CEACAM19: variants seen among roughly 807,000 people sequenced by gnomAD.
CEACAM19 encodes the protein CEA cell adhesion molecule 19.
In CEACAM19, 37 loss-of-function variants were observed where a neutral mutation model predicts 37.6. The observed-to-expected ratio is 0.98, with a 90% confidence interval of 0.76 to 1.29. The LOEUF is 1.29. CEACAM19 is among the 50% of genes most tolerant of loss of function. The pLI, the probability that CEACAM19 is intolerant of heterozygous loss-of-function variation, is 0.00. For synonymous variants in CEACAM19, 140 were observed against 149.8 expected, an observed-to-expected ratio of 0.93 and a Z score of 0.48; for missense variants, 340 against 375.6, an observed-to-expected ratio of 0.91 and a Z score of 0.78.
chr19:44,680,377 A>C, intron 5 of CEACAM19, 43 bp downstream of exon 5: 1 of 1,551,422 alleles, frequency 6.4e-7, no homozygotes. Flanking sequence ...CCCTCCTCTC[A>C]GCTCCTCCTT....
intron 2 of CEACAM19, among the ~76,000 whole-genome samples, chr19:44,675,519 G>T (rs1190057917): frequency 6.6e-6 from 1 of 152,058 alleles, no homozygotes. Context: ...GGGCTCGGTG[G>T]CCACGTCTGT....
At position 44,681,229 on chromosome 19, in the gene CEACAM19, G is replaced by A; in HGVS notation, c.709G>A (p.Asp237Asn). 1 of 1,613,676 alleles carries A rather than the reference G, an allele frequency of 6.2e-7. No homozygotes were observed. Among genetic ancestry groups the A allele is most frequent in the Non-Finnish European group, 8.5e-7 (1 of 1,179,738 alleles). Residue 237 changes from aspartate to asparagine, a missense_variant and splice_region_variant, in exon 6 of 8, where the codon GAC (aspartate) becomes AAC (asparagine). By Grantham distance (23) the Asp-to-Asn change is conservative. Coordinates refer to ENST00000358777, the MANE Select transcript of CEACAM19 (RefSeq NM_001127893.3). ...ACCTCCCCTGGCCTCTGTTTCAGGTGACAACAACATCTATGAAGTGATGCC... is the reference window on the plus strand; with the variant it reads ...ACCTCCCCTGGCCTCTGTTTCAGGTAACAACAACATCTATGAAGTGATGCC... ...PELGPAHDAGDNNIYEVMPSP... is the reference protein window; with the variant it reads ...PELGPAHDAGNNNIYEVMPSP...
At chr19:44,679,430 C>A (rs1389873873) in intron 4 of CEACAM19, among the ~76,000 whole-genome samples, 1 of 152,082 alleles carries the variant, frequency 6.6e-6, no homozygotes, top group Non-Finnish European at 1.5e-5. Context: ...CATGGTGAAA[C>A]CCTGTCTCTA....
intron 1 of CEACAM19, 58 bp downstream of exon 1, chr19:44,672,044 T>A (rs1550551): frequency 2.1e-6 from 3 of 1,412,594 alleles, no homozygotes; most frequent in Non-Finnish European, 3.0e-6. Flanking sequence ...AGCCCAGAGA[T>A]TGAAGTTTCC....
intron 1 of CEACAM19, 118 bp downstream of exon 1, chr19:44,672,104 G>C (rs1973865646): frequency 6.1e-6 from 5 of 825,514 alleles, no homozygotes; most frequent in Admixed American, 4.5e-5. Flanking sequence ...AGAATAAGAT[G>C]GGGGAGGGGC....
Position 44,671,809 on chromosome 19 carries a change from G to A in CEACAM19, c.-123G>A, listed in dbSNP as rs554804099. 4.2e-5 allele frequency: 31 copies of A among 737,462 alleles called. No homozygotes were observed. The highest frequency in any genetic ancestry group is 4.0e-4 in the East Asian group (15 of 37,058). 45.7% of individuals were successfully genotyped at this position (737,462 alleles called of 1,614,324 possible). On this transcript the variant is annotated 5_prime_UTR_variant, in exon 1 of 8. Transcript: ENST00000358777. ...ATGCTGGGGCTGGGCCAGCCCCAGC[G>A]GTGTCTCTAAGGCACCCCTGGGATC...
intron 2 of CEACAM19, among the ~76,000 whole-genome samples, chr19:44,674,356 A>G (rs950537844): frequency 6.6e-5 from 10 of 151,300 alleles, no homozygotes; most frequent in Admixed American, 6.6e-4. Flanking sequence ...GATTGTGGAG[A>G]CAGGGTCTTA....
chr19:44,675,151 TAAC>T (rs1233844074), intron 2 of CEACAM19, among the ~76,000 whole-genome samples: 2 of 148,254 alleles, frequency 1.3e-5, no homozygotes, highest in African/African-American at 5.0e-5. Context: ...TCAAACTTCA[TAAC>T]AACCCTAAGA....
chr19:44,676,990 T>C (rs1973961037), intron 3 of CEACAM19, among the ~76,000 whole-genome samples: 1 of 152,198 alleles, frequency 6.6e-6, no homozygotes, highest in Non-Finnish European at 1.5e-5. Context: ...TGTTCTCAAA[T>C]GACTCCTTTA....
In CEACAM19 at chr19:44,683,538, C is replaced by G; in HGVS notation, c.*48C>G. ...AGGGAGAAGACAAGGCCCCAGCCCT[C>G]CTCTGGGAGCCTCACACCTGAGACC... On this transcript the variant is annotated 3_prime_UTR_variant, in exon 8 of 8. Transcript: ENST00000358777. The G allele has an allele frequency of 8.2e-7, 1 of 1,222,770 alleles. No homozygotes were observed. The highest frequency in any genetic ancestry group is 1.1e-6 in the Non-Finnish European group (1 of 884,862). 75.7% of individuals were successfully genotyped at this position (1,222,770 alleles called of 1,614,324 possible). A position where few individuals can be genotyped will look rare whatever the true frequency, so the allele number is the denominator to read the frequency against.
intron 6 of CEACAM19, among the ~76,000 whole-genome samples, chr19:44,682,039 C>T (rs1023980617): frequency 6.6e-6 from 1 of 152,054 alleles, no homozygotes; most frequent in Non-Finnish European, 1.5e-5. Flanking sequence ...GGGAGGATTG[C>T]TTGAGGCCGG....
upstream of CEACAM19, among the ~76,000 whole-genome samples, chr19:44,670,724 A>AT (rs1192610447): frequency 6.6e-6 from 1 of 150,584 alleles, no homozygotes; most frequent in Non-Finnish European, 1.5e-5. Context: ...TGACATATTT[A>AT]AATGGTAAGA....
intron 7 of CEACAM19, chr19:44,683,139 G>T: frequency 1.3e-5 from 4 of 312,548 alleles, no homozygotes; most frequent in Non-Finnish European, 1.8e-5. Flanking sequence ...GTTTGTTCAT[G>T]CTGCCTTGTC....
chr19:44,667,629 TATA>T (rs1398195478), upstream of CEACAM19, among the ~76,000 whole-genome samples: 4,178 of 88,728 alleles, frequency 0.047, 185 homozygotes, highest in African/African-American at 0.11. Flanking sequence ...TTTATAAATA[TATA>T]AATATATAAT....
At chr19:44,676,530 CT>C in intron 3 of CEACAM19, 109 bp downstream of exon 3, 1 of 1,065,354 alleles carries the variant, frequency 9.4e-7, no homozygotes, top group Non-Finnish European at 1.4e-6. Flanking sequence ...CTCATCAAAT[CT>C]TGGAACTCCT....
At chr19:44,667,161 C>T (rs1265677841), upstream of CEACAM19, 1 of 151,776 alleles carries the variant, frequency 6.6e-6, no homozygotes, top group Non-Finnish European at 1.5e-5. Flanking sequence ...AACCTGGGGC[C>T]TCTAGAAGAT....
chr19:44,680,497 G>A lies in CEACAM19; in HGVS notation c.706+163G>A, dbSNP rs140009691. ...CTGAACTCACCCACATAATCTGAGC[G>A]CATCGGCACCCACCCCAAACCTGCT... On this transcript the variant is annotated intron_variant, in intron 5 of 7. Coordinates refer to ENST00000358777, the MANE Select transcript of CEACAM19 (RefSeq NM_001127893.3). Among the ~76,000 whole-genome samples, 963 of 151,542 alleles carry A rather than the reference G, an allele frequency of 6.4e-3. 6 individuals carry two copies. Among genetic ancestry groups the A allele is most frequent in the Non-Finnish European group, 0.011 (754 of 67,844 alleles).
At chr19:44,678,715 T>A in intron 3 of CEACAM19, 138 bp from the exon 4 acceptor site, 1 of 1,262,570 alleles carries the variant, frequency 7.9e-7, no homozygotes, top group Non-Finnish European at 1.1e-6. Context: ...CCAATTACTA[T>A]TTTTTTACTC....
Position 44,684,238 on chromosome 19 carries a change from G to A in CEACAM19, c.*748G>A, listed in dbSNP as rs941411498. 1.3e-5 allele frequency: 2 copies of A among 152,236 alleles called. No individual in the cohort carries two copies. The highest frequency in any genetic ancestry group is 2.4e-5 in the African/African-American group (1 of 41,444). 9.4% of individuals were successfully genotyped at this position (152,236 alleles called of 1,614,324 possible). On this transcript the variant is annotated 3_prime_UTR_variant, in exon 8 of 8. Coordinates refer to ENST00000358777, the MANE Select transcript of CEACAM19 (RefSeq NM_001127893.3). ...ATTCAGCAATAAATGAGCCTTTGCT[G>A]TATGCCAGACCCAGTTCTAGGCTCT...
Sources: allele counts gnomAD v4.1 joint callset (sites outside exome capture counted in the v4.1 genomes callset), GRCh38; gene constraint gnomAD v4.1.1; transcripts MANE v1.5; gene names NCBI Gene and HGNC (gene_info 2026-07-23, HGNC 2026-07-21).